The following CPNE2 variants were observed in gnomAD, a reference collection of about 807,000 sequenced individuals.
The protein encoded by CPNE2 is copine 2.
In CPNE2, 42 loss-of-function variants were observed where a neutral mutation model predicts 69.7. That is an observed-to-expected ratio of 0.60 (90% confidence interval 0.47 to 0.78). The LOEUF (loss-of-function observed/expected upper bound fraction) is 0.78, where lower values mean the gene tolerates loss of function less well. CPNE2 is among the 30% of genes least tolerant of loss of function. CPNE2 has a pLI of 0.00. For synonymous variants in CPNE2, 294 were observed against 289.8 expected, an observed-to-expected ratio of 1.01 and a Z score of -0.15; for missense variants, 587 against 732.0, an observed-to-expected ratio of 0.80 and a Z score of 2.29.
chr16:57,136,277 T>C (rs75686914), intron 13 of CPNE2, among the ~76,000 whole-genome samples: 6,348 of 152,168 alleles, frequency 0.042, 138 homozygotes, highest in Middle Eastern at 0.13. Context: ...AGAGACATTT[T>C]GGTCAATCAG....
chr16:57,131,835 C>A (rs573032880), intron 12 of CPNE2, among the ~76,000 whole-genome samples: 1 of 152,290 alleles, frequency 6.6e-6, no homozygotes, highest in South Asian at 2.1e-4. Flanking sequence ...TCACTCAGCC[C>A]GCTGCTCCCT....
intron 1 of CPNE2, among the ~76,000 whole-genome samples, chr16:57,100,390 C>A (rs2069605784): frequency 6.6e-6 from 1 of 152,224 alleles, no homozygotes; most frequent in African/African-American, 2.4e-5. Flanking sequence ...TTGAGAGCTT[C>A]ATCAGGGAAC....
intron 3 of CPNE2, 46 bp from the exon 4 acceptor site, chr16:57,115,430 C>A: frequency 6.8e-7 from 1 of 1,479,544 alleles, no homozygotes; most frequent in Non-Finnish European, 9.4e-7. Context: ...CCTTCCCGGG[C>A]TTCCCCCGCT....
At chr16:57,098,574 A>G (rs1434174759) in intron 1 of CPNE2, among the ~76,000 whole-genome samples, 16 of 152,346 alleles carry the variant, frequency 1.1e-4, no homozygotes, top group African/African-American at 3.4e-4. Flanking sequence ...GGGGCCAGAT[A>G]AACTCTAAAG....
intron 1 of CPNE2, among the ~76,000 whole-genome samples, chr16:57,101,434 C>T (rs751547237): frequency 3.9e-5 from 6 of 152,150 alleles, no homozygotes; most frequent in Non-Finnish European, 7.4e-5. Flanking sequence ...CATCAGGGCC[C>T]GTAGGGAATG....
At chr16:57,131,156 T>C (rs777328083) in intron 12 of CPNE2, among the ~76,000 whole-genome samples, 7 of 152,244 alleles carry the variant, frequency 4.6e-5, no homozygotes, top group Admixed American at 1.3e-4. Context: ...AGTTGGACTC[T>C]AAAGTTTCTT....
intron 1 of CPNE2, among the ~76,000 whole-genome samples, chr16:57,097,597 G>C (rs529957258): frequency 1.3e-5 from 2 of 152,196 alleles, no homozygotes; most frequent in African/African-American, 4.8e-5. Context: ...GGCTAGAGAG[G>C]TTAGGACACA....
intron 12 of CPNE2, among the ~76,000 whole-genome samples, chr16:57,132,954 C>T (rs184353110): frequency 7.2e-5 from 11 of 152,166 alleles, no homozygotes; most frequent in Admixed American, 3.9e-4. Context: ...GGATGAAGAG[C>T]GGGGGGCCCG....
chr16:57,116,694 T>TG (rs1567667990), intron 4 of CPNE2, among the ~76,000 whole-genome samples: 1 of 151,920 alleles, frequency 6.6e-6, no homozygotes. Flanking sequence ...CCCTGGGAAA[T>TG]GGGGGTGATA....
intron 1 of CPNE2, among the ~76,000 whole-genome samples, chr16:57,099,751 G>A (rs902169846): frequency 1.2e-4 from 18 of 148,994 alleles, no homozygotes; most frequent in Admixed American, 6.7e-4. Flanking sequence ...ACAGGCATCC[G>A]CCACCATGTC....
In CPNE2 at chr16:57,093,705, T is replaced by A. The variant is rs1359806623; in HGVS notation, c.-36+915T>A. ...AGGGACAAGGGGTCTGGAAGAATGA[T>A]CTTCCAGACAAAACGCCCTTTTTTT... On this transcript the variant is annotated intron_variant, in intron 1 of 15. Transcript: ENST00000290776. Among the ~76,000 whole-genome samples the A allele has an allele frequency of 1.2e-4, 19 of 152,210 alleles. 1 individual carries two copies. Among genetic ancestry groups the A allele is most frequent in the Admixed American group, 1.2e-3 (19 of 15,284 alleles).
intron 1 of CPNE2, among the ~76,000 whole-genome samples, chr16:57,101,458 C>T (rs2069613201): frequency 6.6e-6 from 1 of 152,168 alleles, no homozygotes; most frequent in African/African-American, 2.4e-5. Context: ...GTCTTGTTAG[C>T]TGAGGGTTCT....
chr16:57,132,126 G>A (rs1428163763), intron 12 of CPNE2, among the ~76,000 whole-genome samples: 6 of 152,276 alleles, frequency 3.9e-5, no homozygotes, highest in African/African-American at 9.6e-5. Flanking sequence ...CAGAGGGGTC[G>A]GTTCTCTGAG....
At chr16:57,106,697 G>T (rs545358749) in intron 1 of CPNE2, among the ~76,000 whole-genome samples, 1 of 145,764 alleles carries the variant, frequency 6.9e-6, no homozygotes, top group Non-Finnish European at 1.6e-5. Flanking sequence ...AAGTGAGGAG[G>T]GGGTAGGTGA....
At chr16:57,123,505 C>G in intron 10 of CPNE2, 32 bp downstream of exon 10, 1 of 1,608,900 alleles carries the variant, frequency 6.2e-7, no homozygotes, top group South Asian at 1.1e-5. Flanking sequence ...CCCTCTGCAC[C>G]CCCATCCCAG....
intron 12 of CPNE2, 137 bp from the exon 13 acceptor site, chr16:57,134,638 C>G (rs2069863792): frequency 4.8e-6 from 4 of 837,042 alleles, no homozygotes; most frequent in Non-Finnish European, 7.8e-6. Context: ...TGGGGGGTAT[C>G]AGTGGCCTAG....
intron 1 of CPNE2, among the ~76,000 whole-genome samples, chr16:57,104,564 G>A (rs1183236992): frequency 2.6e-5 from 4 of 152,168 alleles, no homozygotes; most frequent in African/African-American, 9.7e-5. Flanking sequence ...CCTGCCTGAC[G>A]AGCCCCCACC....
chr16:57,108,553 CA>C (rs2069661641), intron 1 of CPNE2, among the ~76,000 whole-genome samples: 1 of 152,302 alleles, frequency 6.6e-6, no homozygotes, highest in African/African-American at 2.4e-5. Flanking sequence ...ATGACAGGGC[CA>C]GTGTTAAATG....
chr16:57,127,978 G>A, intron 12 of CPNE2, 75 bp downstream of exon 12: 1 of 1,492,958 alleles, frequency 6.7e-7, no homozygotes, highest in South Asian at 1.1e-5. Flanking sequence ...GATCAGCTCT[G>A]GAAAGGTCTT....
Sources: gnomAD v4.1 joint callset for allele counts (sites outside exome capture counted in the v4.1 genomes callset) on GRCh38, gnomAD v4.1.1 for gene constraint, MANE v1.5 for transcripts, NCBI Gene and HGNC (gene_info 2026-07-23, HGNC 2026-07-21) for gene names.